TENM1: variants seen among roughly 807,000 people sequenced by gnomAD.
TENM1 encodes the protein teneurin transmembrane protein 1, also known as teneurin-1.
TENM1 carries 35 observed loss-of-function variants against 174.8 expected under a neutral mutation model. That is an observed-to-expected ratio of 0.20 (90% CI 0.15 to 0.27). The LOEUF (loss-of-function observed/expected upper bound fraction) is 0.27, where lower values mean the gene tolerates loss of function less well. Ranked by LOEUF, TENM1 falls within the 10% of genes least tolerant of loss-of-function variation. The pLI, the probability that TENM1 is intolerant of heterozygous loss-of-function variation, is 1.00. For synonymous variants in TENM1, 781 were observed against 798.7 expected (o/e 0.98, Z 0.37); for missense variants, 1,633 against 2,130.1 (o/e 0.77, Z 4.59).
intron 11 of TENM1, among the ~76,000 whole-genome samples, chrX:124,611,721 T>C (rs2050281587): frequency 8.9e-6 from 1 of 112,101 alleles, no homozygotes; most frequent in Non-Finnish European, 1.9e-5. Flanking sequence ...TTCTACTCAC[T>C]AGACTTTGGT....
At chrX:124,691,854 C>G (rs773622548) in intron 5 of TENM1, among the ~76,000 whole-genome samples, 1 of 110,588 alleles carries the variant, frequency 9.0e-6, no homozygotes, top group African/African-American at 3.3e-5. Flanking sequence ...TCATCTTATA[C>G]AAGGTTTAAT....
At chrX:125,187,571 G>T in the TENM1 span, among the ~76,000 whole-genome samples, 1 of 111,441 alleles carries the variant, frequency 9.0e-6, no homozygotes, top group African/African-American at 3.3e-5. Context: ...ACATAATATG[G>T]GAACTGTTAG....
At chrX:124,587,186 T>C (rs1411955355) in intron 11 of TENM1, among the ~76,000 whole-genome samples, 5 of 110,122 alleles carry the variant, frequency 4.5e-5, no homozygotes, top group African/African-American at 6.7e-5. Context: ...TGGAAAAAAC[T>C]ACTTTAAAGT....
At chrX:124,431,137 T>G (rs1037526470) in intron 23 of TENM1, among the ~76,000 whole-genome samples, 1 of 112,195 alleles carries the variant, frequency 8.9e-6, no homozygotes, top group Admixed American at 9.5e-5. Flanking sequence ...TTTATTCATT[T>G]TAAGAAGTTA....
At chrX:124,994,695 T>G in the TENM1 span, among the ~76,000 whole-genome samples, 2 of 110,188 alleles carry the variant, frequency 1.8e-5, no homozygotes, top group Non-Finnish European at 3.8e-5. Flanking sequence ...CAATTTCATA[T>G]CTTCTCTATT....
intron 3 of TENM1, among the ~76,000 whole-genome samples, chrX:124,783,735 TA>T (rs1408865643): frequency 8.9e-6 from 1 of 111,807 alleles, no homozygotes; most frequent in Non-Finnish European, 1.9e-5. Flanking sequence ...TTTATTTTTT[TA>T]AACCAGAAGG....
At chrX:125,069,999 G>C in the TENM1 span, among the ~76,000 whole-genome samples, 22 of 109,501 alleles carry the variant, frequency 2.0e-4, no homozygotes, top group South Asian at 8.4e-3. Flanking sequence ...GACCAGCCTG[G>C]GTGACATAGT....
intron 4 of TENM1, among the ~76,000 whole-genome samples, chrX:124,730,955 TG>T (rs766449590): frequency 2.7e-5 from 3 of 111,512 alleles, no homozygotes; most frequent in African/African-American, 9.8e-5. Context: ...TTAAGAGAGT[TG>T]GGAAGTTATT....
chrX:125,074,163 T>C, the TENM1 span, among the ~76,000 whole-genome samples: 5 of 111,644 alleles, frequency 4.5e-5, no homozygotes, highest in Middle Eastern at 4.6e-3. Flanking sequence ...CTTACTTAAA[T>C]AACTCACAAG....
At chrX:124,859,035 G>A (rs1034446827) in intron 3 of TENM1, among the ~76,000 whole-genome samples, 6 of 111,071 alleles carry the variant, frequency 5.4e-5, no homozygotes, top group African/African-American at 1.6e-4. Flanking sequence ...AAGTTTAACC[G>A]AATTTCTTAG....
chrX:124,875,714 A>AT (rs1209975634), intron 3 of TENM1, among the ~76,000 whole-genome samples: 19 of 107,002 alleles, frequency 1.8e-4, no homozygotes, highest in African/African-American at 5.1e-4. Context: ...TCTCTACAAA[A>AT]TTTTTTTTTA....
the TENM1 span, among the ~76,000 whole-genome samples, chrX:125,196,684 T>C: frequency 2.7e-5 from 3 of 111,963 alleles, no homozygotes; most frequent in African/African-American, 9.7e-5. Context: ...AGTGTATTTA[T>C]ACACCTCTAT....
chrX:125,090,450 A>G, the TENM1 span, among the ~76,000 whole-genome samples: 12 of 107,643 alleles, frequency 1.1e-4, no homozygotes, highest in Admixed American at 1.1e-3. Flanking sequence ...GTTCGAGACC[A>G]GTCTGGGAAA....
chrX:124,517,322 T>G (rs1212412122), intron 18 of TENM1, among the ~76,000 whole-genome samples: 3 of 110,147 alleles, frequency 2.7e-5, no homozygotes, highest in African/African-American at 9.9e-5. Flanking sequence ...AATAAATAAA[T>G]TAGGATTATA....
intron 5 of TENM1, among the ~76,000 whole-genome samples, chrX:124,695,795 T>C (rs1256740732): frequency 3.6e-5 from 4 of 110,490 alleles, no homozygotes; most frequent in East Asian, 2.8e-4. Flanking sequence ...ATTTTTAAAA[T>C]TGAGGGATTT....
intron 22 of TENM1, among the ~76,000 whole-genome samples, chrX:124,456,406 C>T (rs900589520): frequency 8.9e-6 from 1 of 111,930 alleles, no homozygotes; most frequent in Admixed American, 9.5e-5. Flanking sequence ...ATATTTTCCT[C>T]TCATTTGCCT....
intron 3 of TENM1, among the ~76,000 whole-genome samples, chrX:124,792,229 C>G (rs2055196630): frequency 9.0e-6 from 1 of 111,611 alleles, no homozygotes; most frequent in African/African-American, 3.3e-5. Flanking sequence ...TCTTTTCCTA[C>G]CAAATGCTGA....
chrX:124,629,969 T>C (rs1341014833), intron 11 of TENM1, among the ~76,000 whole-genome samples: 1 of 112,193 alleles, frequency 8.9e-6, no homozygotes, highest in Non-Finnish European at 1.9e-5. Flanking sequence ...TAATGAGCTA[T>C]ATGACTGTCC....
chrX:124,652,846 C>T (rs1030573784), intron 7 of TENM1, among the ~76,000 whole-genome samples: 2 of 112,023 alleles, frequency 1.8e-5, no homozygotes, highest in African/African-American at 6.5e-5. Flanking sequence ...CATTTGAATG[C>T]ATTCTAATTC....
Sources: allele counts gnomAD v4.1 joint callset (sites outside exome capture counted in the v4.1 genomes callset), GRCh38; gene constraint gnomAD v4.1.1; transcripts MANE v1.5; gene names NCBI Gene and HGNC (gene_info 2026-07-23, HGNC 2026-07-21).